The following PRLR variants were observed in gnomAD, a reference collection of about 807,000 sequenced individuals.
PRLR encodes the protein prolactin receptor, also known as hPRL receptor.
PRLR carries 13 observed loss-of-function variants against 40.2 expected under a neutral mutation model. That is an observed-to-expected ratio of 0.32 (90% CI 0.21 to 0.51). The LOEUF (loss-of-function observed/expected upper bound fraction) is 0.51, where lower values mean the gene tolerates loss of function less well. Ranked by LOEUF, PRLR falls within the 20% of genes least tolerant of loss-of-function variation. The pLI is 0.97. For missense variants in PRLR, 656 were observed against 747.3 expected (o/e 0.88, Z 1.42); for synonymous variants, 269 against 278.7 (o/e 0.97, Z 0.35).
intron 9 of PRLR, among the ~76,000 whole-genome samples, chr5:35,066,751 A>C (rs1012424053): frequency 0.021 from 2,179 of 104,918 alleles, no homozygotes; most frequent in Middle Eastern, 0.058. Context: ...TCCTCCTCTC[A>C]CTCTTGCCTC....
At chr5:35,118,007 C>T (rs1317961686) in intron 2 of PRLR, 54 bp downstream of exon 2, 14 of 899,804 alleles carry the variant, frequency 1.6e-5, no homozygotes, top group African/African-American at 1.8e-5. Context: ...ATGAAACGGA[C>T]AGTGGGGCAG....
rs1774772296 is a variant in PRLR, at chr5:35,164,753, A to C, written c.-105-46631T>G. ...GAGACAATGGAAAAAAAATAGAAGC[A>C]GTGGAACCAGGCTGCTGGAGGACTC... On this transcript the variant is annotated intron_variant, in intron 1 of 9. Coordinates refer to ENST00000618457, the MANE Select transcript of PRLR (RefSeq NM_000949.7). Among the ~76,000 whole-genome samples, 3 of 152,352 alleles carry C rather than the reference A, an allele frequency of 2.0e-5. No homozygotes were observed. The Middle Eastern group carries it at 0.01, about 518-fold the overall frequency.
intron 1 of PRLR, among the ~76,000 whole-genome samples, chr5:35,176,043 GTAAA>G (rs1376374910): frequency 6.6e-6 from 1 of 152,070 alleles, no homozygotes; most frequent in East Asian, 1.9e-4. Flanking sequence ...TATATTAGAT[GTAAA>G]TAAACATATA....
At chr5:35,088,523 T>C (rs1426988678) in intron 3 of PRLR, among the ~76,000 whole-genome samples, 1 of 152,190 alleles carries the variant, frequency 6.6e-6, no homozygotes, top group Non-Finnish European at 1.5e-5. Flanking sequence ...TTCCCCTTTT[T>C]CTCTCTCTGA....
At chr5:35,154,499 G>C (rs1774429764) in intron 1 of PRLR, among the ~76,000 whole-genome samples, 1 of 152,140 alleles carries the variant, frequency 6.6e-6, no homozygotes, top group African/African-American at 2.4e-5. Flanking sequence ...ACTGACTCTA[G>C]TGAGGTTGCA....
rs78878266 is a variant in PRLR at position 35,124,882 on chromosome 5, C to T, written c.-105-6760G>A. ...CTATCTTTATCAGAAGTGTATCAGTCAATTGGTGTTCTCTGAGGGTAATAA... is the reference window on the plus strand; with the variant it reads ...CTATCTTTATCAGAAGTGTATCAGTTAATTGGTGTTCTCTGAGGGTAATAA... On this transcript the variant is annotated intron_variant, in intron 1 of 9. Transcript: ENST00000618457. Among the ~76,000 whole-genome samples, 1,096 of 152,228 alleles carry T rather than the reference C, an allele frequency of 7.2e-3. 14 individuals are homozygous for T. Among genetic ancestry groups the T allele is most frequent in the African/African-American group, 0.026 (1,065 of 41,530 alleles).
chr5:35,200,107 A>G (rs951670979), intron 1 of PRLR, among the ~76,000 whole-genome samples: 2 of 152,126 alleles, frequency 1.3e-5, no homozygotes, highest in Non-Finnish European at 2.9e-5. Context: ...TGTGTAGAGC[A>G]TGTTCTTTCT....
At chr5:35,161,230 A>G (rs6880595) in intron 1 of PRLR, among the ~76,000 whole-genome samples, 30,862 of 152,142 alleles carry the variant, frequency 0.2, 3,291 homozygotes, top group Middle Eastern at 0.23. Context: ...CTTCATTCCC[A>G]GTTACCTGCG....
At chr5:35,115,301 T>C (rs567666386) in intron 2 of PRLR, among the ~76,000 whole-genome samples, 10 of 152,346 alleles carry the variant, frequency 6.6e-5, no homozygotes, top group African/African-American at 2.4e-4. Context: ...CCCAAGGCTC[T>C]CTTCTTAGAG....
At chr5:35,183,431 A>T (rs1775344560) in intron 1 of PRLR, among the ~76,000 whole-genome samples, 1 of 152,190 alleles carries the variant, frequency 6.6e-6, no homozygotes, top group Non-Finnish European at 1.5e-5. Context: ...TGTCAAAGGT[A>T]TTAAGACATC....
intron 3 of PRLR, 108 bp from the exon 4 acceptor site, chr5:35,086,448 T>A: frequency 7.1e-7 from 1 of 1,400,400 alleles, no homozygotes; most frequent in Admixed American, 1.9e-5. Context: ...CGATGAAGTC[T>A]CAGGCTGAGG....
At chr5:35,198,107 G>A (rs1238392868) in intron 1 of PRLR, among the ~76,000 whole-genome samples, 2 of 152,148 alleles carry the variant, frequency 1.3e-5, no homozygotes, top group African/African-American at 4.8e-5. Context: ...CAGCATCCTG[G>A]GCAGCTCCGT....
chr5:35,180,587 C>A (rs4392599), intron 1 of PRLR, among the ~76,000 whole-genome samples: 42,995 of 151,878 alleles, frequency 0.28, 6,187 homozygotes, highest in Middle Eastern at 0.34. Context: ...TCTTTTCCCC[C>A]CTTTTTTTTT....
At chr5:35,051,712 G>A (rs1337775808), downstream of PRLR, among the ~76,000 whole-genome samples, 1 of 151,758 alleles carries the variant, frequency 6.6e-6, no homozygotes, top group African/African-American at 2.4e-5. Flanking sequence ...ATGAAGGAAG[G>A]GTGCATCAAA....
intron 1 of PRLR, among the ~76,000 whole-genome samples, chr5:35,158,394 T>G (rs1774572625): frequency 6.6e-6 from 1 of 152,162 alleles, no homozygotes; most frequent in Non-Finnish European, 1.5e-5. Flanking sequence ...TAACTGATGA[T>G]TCACAGGGTG....
At chr5:35,182,883 C>A (rs1775329506) in intron 1 of PRLR, among the ~76,000 whole-genome samples, 1 of 152,200 alleles carries the variant, frequency 6.6e-6, no homozygotes, top group Non-Finnish European at 1.5e-5. Context: ...TGTTAGCATT[C>A]CTGTTTCTCA....
chr5:35,187,736 C>T (rs1775485852), intron 1 of PRLR, among the ~76,000 whole-genome samples: 2 of 152,190 alleles, frequency 1.3e-5, no homozygotes, highest in African/African-American at 4.8e-5. Flanking sequence ...AGCCGCATAG[C>T]TTTGGGGCAG....
chr5:35,198,402 T>G (rs2111597373), intron 1 of PRLR, among the ~76,000 whole-genome samples: 1 of 152,340 alleles, frequency 6.6e-6, no homozygotes, highest in South Asian at 2.1e-4. Context: ...CAAAGCTGAG[T>G]GCCTTCTGTG....
chr5:35,152,774 G>A (rs997558897), intron 1 of PRLR: 4 of 152,150 alleles, frequency 2.6e-5, no homozygotes, highest in African/African-American at 9.7e-5. Flanking sequence ...ACAATCCAGA[G>A]CAAGGAACTA....
Sources: allele counts gnomAD v4.1 joint callset (sites outside exome capture counted in the v4.1 genomes callset), GRCh38; gene constraint gnomAD v4.1.1; transcripts MANE v1.5; gene names NCBI Gene and HGNC (gene_info 2026-07-23, HGNC 2026-07-21).